Variants in GUCY1A1 observed in about 807,000 individuals in gnomAD.
GUCY1A1 encodes the protein guanylate cyclase 1 soluble subunit alpha 1.
GUCY1A1 carries 48 observed loss-of-function variants against 64.5 expected under a neutral mutation model. That is an observed-to-expected ratio of 0.74 (90% CI 0.59 to 0.95). GUCY1A1 has a LOEUF of 0.95. GUCY1A1 is among the 40% of genes least tolerant of loss of function. GUCY1A1 has a pLI of 0.00. For synonymous variants in GUCY1A1, 308 were observed against 303.4 expected (o/e 1.02, Z -0.16); for missense variants, 804 against 825.3 (o/e 0.97, Z 0.32).
rs1225655961 is a variant in GUCY1A1, at chr4:155,735,664, T to C, written c.*5433T>C. The C allele has an allele frequency of 6.6e-6, 1 of 151,998 alleles. No homozygotes were observed. Among genetic ancestry groups the C allele is most frequent in the Non-Finnish European group, 1.5e-5 (1 of 67,934 alleles). The allele number at this position is 151,998 out of a possible 1,614,324, so 9.4% of individuals were successfully genotyped here. ...AATCTTGAAGTATCTGCTCAGATGT[T>C]TGTTCCATCTGAAATGCTGCCAAAT... On this transcript the variant is annotated 3_prime_UTR_variant, in exon 10 of 10. Transcript: ENST00000506455.
intron 5 of GUCY1A1, among the ~76,000 whole-genome samples, chr4:155,709,959 C>T (rs1732336581): frequency 1.3e-5 from 2 of 152,132 alleles, no homozygotes; most frequent in Admixed American, 1.3e-4. Flanking sequence ...TATTTCTAAC[C>T]TTATAGCACT....
In GUCY1A1 at chr4:155,722,032, T is replaced by C; in HGVS notation, c.1717-6T>C. On this transcript the variant is annotated splice_polypyrimidine_tract_variant and splice_region_variant and intron_variant, in intron 8 of 9. Transcript: ENST00000506455. ...CTGGGAACATCATGTTATTTTTTGC[T>C]TTCAGATGCGAATTGGACTGCACTC... 6.2e-7 allele frequency: 1 copy of C among 1,603,946 alleles called. No individual in the cohort carries two copies. The highest frequency in any genetic ancestry group is 8.5e-7 in the Non-Finnish European group (1 of 1,171,648).
At chr4:155,675,210 G>T (rs1034518019) in intron 2 of GUCY1A1, among the ~76,000 whole-genome samples, 1 of 151,618 alleles carries the variant, frequency 6.6e-6, no homozygotes, top group African/African-American at 2.4e-5. Context: ...GCAGTTAAAT[G>T]ATATGTGGTT....
Position 155,674,310 on chromosome 4 carries a change from C to T in GUCY1A1, c.-113+6891C>T, listed in dbSNP as rs780842551. On this transcript the variant is annotated intron_variant, in intron 2 of 9. Coordinates refer to ENST00000506455, the MANE Select transcript of GUCY1A1 (RefSeq NM_001130682.3). ...TGGAGTTTGCAGTGAGCCAAGATTG[C>T]GCCACTGCACTCCAGCCTGGGCGAC... Among the ~76,000 whole-genome samples the T allele has an allele frequency of 4.7e-5, 7 of 150,036 alleles. No individual in the cohort carries two copies. In the South Asian group the frequency reaches 1.0e-3, roughly 22 times the overall value.
intron 2 of GUCY1A1, among the ~76,000 whole-genome samples, chr4:155,689,732 T>C (rs534454468): frequency 1.3e-5 from 2 of 152,300 alleles, no homozygotes; most frequent in Non-Finnish European, 2.9e-5. Flanking sequence ...ATGCAGCTTA[T>C]TAAACACAAT....
intron 1 of GUCY1A1, 32 bp downstream of exon 1, chr4:155,666,997 C>T (rs1292893843): frequency 6.6e-6 from 1 of 152,476 alleles, no homozygotes; most frequent in Non-Finnish European, 1.5e-5. Flanking sequence ...CTTTTTCAGT[C>T]TTTCGGTGCG....
At position 155,722,147 on chromosome 4, in the gene GUCY1A1, C is replaced by T. The variant is rs200927723; in HGVS notation, c.1826C>T (p.Ser609Phe). 1.3e-4 allele frequency: 207 copies of T among 1,613,004 alleles called. No individual in the cohort carries two copies. The highest frequency in any genetic ancestry group is 1.7e-4 in the Non-Finnish European group (196 of 1,179,314). ...NNVTLANKFE[S>F]CSVPRKINVS... ...GTCACTCTGGCTAACAAATTTGAGT[C>T]CTGCAGTGTACCACGAAAAATCAAT... Residue 609 changes from serine to phenylalanine, a missense_variant, in exon 9 of 10, where the codon TCC (serine) becomes TTC (phenylalanine). Physicochemically the swap from Ser to Phe is radical, Grantham distance 155. Transcript: ENST00000506455.
rs112384014 is a variant in GUCY1A1, at chr4:155,717,173, C to T, written c.1587C>T (p.Gly529=). The T allele has an allele frequency of 1.3e-5, 20 of 1,508,142 alleles. No homozygotes were observed. Among genetic ancestry groups the T allele is most frequent in the Middle Eastern group, 1.8e-4 (1 of 5,660 alleles). 93.4% of individuals were successfully genotyped at this position (1,508,142 alleles called of 1,614,324 possible). ...ELDVYKVETI[G]DAYCVAGGLH... Reference sequence around the variant, plus strand: ...ATTATGTCTAGGTGGAGACCATTGGCGATGCCTATTGTGTAGCTGGGGGAT... The same window carrying T: ...ATTATGTCTAGGTGGAGACCATTGGTGATGCCTATTGTGTAGCTGGGGGAT... Residue 529 remains glycine (G), a synonymous_variant, in exon 8 of 10, where the codon GGC becomes GGT. Transcript: ENST00000506455.
chr4:155,695,347 T>C lies in GUCY1A1; in HGVS notation c.-112-1409T>C, dbSNP rs186373764. The stretch of plus-strand genomic sequence containing the variant: ...TAAGGGCATTGAGGAGCATAGAAAA[T>C]AAAAAAAAAAAACCTAATTGAACTT... On this transcript the variant is annotated intron_variant, in intron 2 of 9. Coordinates refer to ENST00000506455, the MANE Select transcript of GUCY1A1 (RefSeq NM_001130682.3). Among the ~76,000 whole-genome samples, 153 of 138,568 alleles carry C rather than the reference T, an allele frequency of 1.1e-3. 1 individual carries two copies. The highest frequency in any genetic ancestry group is 3.9e-3 in the Middle Eastern group (1 of 258). The allele number at this position is 138,568 out of a possible 152,430, so 90.9% of individuals were successfully genotyped here.
chr4:155,724,838 A>C (rs1304308640), intron 9 of GUCY1A1, among the ~76,000 whole-genome samples: 1 of 151,984 alleles, frequency 6.6e-6, no homozygotes. Context: ...CCATATTTCC[A>C]CTTGGATGAC....
chr4:155,722,274 T>C, intron 9 of GUCY1A1, 82 bp downstream of exon 9: 2 of 1,519,492 alleles, frequency 1.3e-6, no homozygotes, highest in South Asian at 2.6e-5. Flanking sequence ...TGATTCATTC[T>C]TCATAACTTT....
chr4:155,708,154 T>C (rs1732051540), intron 4 of GUCY1A1, 82 bp from the exon 5 acceptor site: 1 of 761,998 alleles, frequency 1.3e-6, no homozygotes, highest in South Asian at 1.6e-5. Context: ...AACTATTTTC[T>C]ATCATTGTTT....
In GUCY1A1 at chr4:155,713,084, C is replaced by A. The variant is rs370094263; in HGVS notation, c.1087-14C>A. On this transcript the variant is annotated splice_polypyrimidine_tract_variant and intron_variant, in intron 6 of 9. Transcript: ENST00000506455. ...ACTTGAATAAACCACAATTGGTTAT[C>A]CTTTCCTTCATAGGTTATGGACCTC... The A allele has an allele frequency of 1.2e-3, 1,959 of 1,586,576 alleles. 3 individuals carry two copies. Among genetic ancestry groups the A allele is most frequent in the Non-Finnish European group, 1.6e-3 (1,843 of 1,165,552 alleles).
At chr4:155,706,724 C>A (rs1225889927) in intron 4 of GUCY1A1, among the ~76,000 whole-genome samples, 1 of 152,090 alleles carries the variant, frequency 6.6e-6, no homozygotes, top group East Asian at 1.9e-4. Flanking sequence ...AATGCTTACA[C>A]CCACTTGTAT....
At position 155,734,165 on chromosome 4, in the gene GUCY1A1, T is replaced by C. The variant is rs1345091554; in HGVS notation, c.*3934T>C. Among the ~76,000 whole-genome samples the C allele has an allele frequency of 6.6e-6, 1 of 151,916 alleles. No individual in the cohort carries two copies. The highest frequency in any genetic ancestry group is 2.4e-5 in the African/African-American group (1 of 41,398). On this transcript the variant is annotated 3_prime_UTR_variant, in exon 10 of 10. Coordinates refer to ENST00000506455, the MANE Select transcript of GUCY1A1 (RefSeq NM_001130682.3). ...TAGGATGGAAGAGGGTGGTCTGTGG[T>C]AGGCCTAGCAAATGAAAGAGATGAA...
rs140601874 is a variant in GUCY1A1 at position 155,697,589 on chromosome 4, A to G, written c.255+467A>G. On this transcript the variant is annotated intron_variant, in intron 3 of 9. Transcript: ENST00000506455. ...CAAATTTTCTCTCCTAATTTTAAAGAGCATCATACGTCCCCTGCCAGTTTT... is the reference window on the plus strand; with the variant it reads ...CAAATTTTCTCTCCTAATTTTAAAGGGCATCATACGTCCCCTGCCAGTTTT... Among the ~76,000 whole-genome samples the G allele has an allele frequency of 7.1e-3, 1,082 of 152,326 alleles. 42 individuals carry two copies. The highest frequency in any genetic ancestry group is 0.063 in the Admixed American group (961 of 15,288).
At position 155,732,488 on chromosome 4, in the gene GUCY1A1, T is replaced by G. The variant is rs1289350601; in HGVS notation, c.*2257T>G. 1 of 153,510 alleles carries G rather than the reference T, an allele frequency of 6.5e-6. No individual in the cohort carries two copies. The highest frequency in any genetic ancestry group is 1.5e-5 in the Non-Finnish European group (1 of 67,908). 9.5% of individuals were successfully genotyped at this position (153,510 alleles called of 1,614,324 possible). ...GACAGAGTCCATACGAAATTCACAATTTAGATGCTAAAAAATTTAAGGAAT... is the reference window on the plus strand; with the variant it reads ...GACAGAGTCCATACGAAATTCACAAGTTAGATGCTAAAAAATTTAAGGAAT... On this transcript the variant is annotated 3_prime_UTR_variant, in exon 10 of 10. Coordinates refer to ENST00000506455, the MANE Select transcript of GUCY1A1 (RefSeq NM_001130682.3).
chr4:155,689,020 G>A (rs1729393741), intron 2 of GUCY1A1, among the ~76,000 whole-genome samples: 2 of 150,522 alleles, frequency 1.3e-5, no homozygotes, highest in South Asian at 4.3e-4. Context: ...AGAGCATATG[G>A]TCAGACTGGG....
At chr4:155,676,248 A>G (rs940834591) in intron 2 of GUCY1A1, among the ~76,000 whole-genome samples, 1 of 151,036 alleles carries the variant, frequency 6.6e-6, no homozygotes, top group Non-Finnish European at 1.5e-5. Context: ...TACAGGGCTT[A>G]AATAGAAAGA....
Sources: allele counts gnomAD v4.1 joint callset (sites outside exome capture counted in the v4.1 genomes callset), GRCh38; gene constraint gnomAD v4.1.1; transcripts MANE v1.5; gene names NCBI Gene and HGNC (gene_info 2026-07-23, HGNC 2026-07-21).